Variants in IQCN observed in about 807,000 individuals in gnomAD.
IQCN encodes IQ domain-containing protein N.
In IQCN, 46 loss-of-function variants were observed where a neutral mutation model predicts 64.4. The ratio of observed to expected loss-of-function variants is 0.71; its 90% confidence interval spans 0.56 to 0.91. The LOEUF is 0.91. Among genes scored for constraint, IQCN ranks in the 40% least tolerant of loss-of-function variants. The pLI, the probability that IQCN is intolerant of heterozygous loss-of-function variation, is 0.00. For synonymous variants in IQCN, 733 were observed against 775.6 expected (o/e 0.95, Z 0.91); for missense variants, 1,753 against 1,857.4 (o/e 0.94, Z 1.03).
intron 1 of IQCN, among the ~76,000 whole-genome samples, chr19:18,270,717 A>G (rs1359313939): frequency 5.9e-5 from 9 of 151,642 alleles, no homozygotes; most frequent in Non-Finnish European, 1.2e-4. Flanking sequence ...CAGCGTCACA[A>G]TCTCGGCTCA....
At position 18,265,066 on chromosome 19, in the gene IQCN, G is replaced by C; in HGVS notation, c.2474C>G (p.Ala825Gly). The part of the protein sequence containing the change: ...KTTQGGPCPA[A>G]CEVQGMLVPP... Reference sequence around the variant, plus strand: ...CACCAGCATACCCTGGACCTCACAGGCTGCCGGGCATGGTCCCCCCTGAGT... The same window carrying C: ...CACCAGCATACCCTGGACCTCACAGCCTGCCGGGCATGGTCCCCCCTGAGT... The change falls in exon 3 of 4, where the codon GCC becomes GGC. Residue 825 changes from alanine to glycine, a missense_variant. Ala to Gly is a moderately conservative substitution (Grantham distance 60, BLOSUM62 0). Transcript: ENST00000392413. This position sits in a 1 kb window ranked among gnomAD's most constrained non-coding sequence, Gnocchi z 4.7. The C allele has an allele frequency of 6.2e-7, 1 of 1,601,064 alleles. No homozygotes were observed.
chr19:18,273,075 GGC>G (rs1177192189), intron 1 of IQCN, among the ~76,000 whole-genome samples: 57 of 152,096 alleles, frequency 3.7e-4, no homozygotes, highest in South Asian at 1.2e-3. Context: ...CTGTTGCCCA[GGC>G]TGAAGTGCAG....
At chr19:18,269,124 C>T (rs1429594588) in intron 2 of IQCN, among the ~76,000 whole-genome samples, 2 of 149,224 alleles carry the variant, frequency 1.3e-5, no homozygotes, top group Admixed American at 6.7e-5. Context: ...AAGTGAAACT[C>T]CGTGTCAAAT....
In IQCN at chr19:18,267,240, G is replaced by A; in HGVS notation, c.300C>T (p.Asp100=). ...AFKNILVDEM[D]MMHARAATLI... ...GCGTGGCTGCACGGGCGTGCATCATGTCCATCTCGTCTACCAGGATGTTCT... is the reference window on the plus strand; with the variant it reads ...GCGTGGCTGCACGGGCGTGCATCATATCCATCTCGTCTACCAGGATGTTCT... Residue 100 remains aspartate (D), a synonymous_variant, in exon 3 of 4, where the codon GAC becomes GAT. Coordinates refer to ENST00000392413, the MANE Select transcript of IQCN (RefSeq NM_001145304.2). 6.2e-7 allele frequency: 1 copy of A among 1,614,246 alleles called. No homozygotes were observed. Among genetic ancestry groups the A allele is most frequent in the Non-Finnish European group, 8.5e-7 (1 of 1,180,050 alleles).
chr19:18,266,567 C>G lies in IQCN; in HGVS notation c.973G>C (p.Ala325Pro), dbSNP rs780772351. The change falls in exon 3 of 4, where the codon GCC becomes CCC. Residue 325 changes from alanine to proline, a missense_variant. Ala to Pro is a conservative substitution (Grantham distance 27). Coordinates refer to ENST00000392413, the MANE Select transcript of IQCN (RefSeq NM_001145304.2). This position sits in a 1 kb window ranked among gnomAD's most constrained non-coding sequence, Gnocchi z 4.3. ...GGCCCTGGACATATCTGGAAGGGGG[C>G]TTTGGGGGTCTCTGCTTTCACAGGG... The part of the protein sequence containing the change: ...QGPVKAETPK[A>P]PFQICPGPMI... 19 of 1,613,180 alleles carry G rather than the reference C, an allele frequency of 1.2e-5. No homozygotes were observed. Among genetic ancestry groups the G allele is most frequent in the Non-Finnish European group, 1.4e-5 (17 of 1,179,546 alleles).
At position 18,264,906 on chromosome 19, in the gene IQCN, G is replaced by T. The variant is rs1267693422; in HGVS notation, c.2634C>A (p.Ala878=). ...CQEDTVGSLL[A]SLCAEVAGVL... ...CACCAGCTACTTCAGCACACAAGGAGGCCAGCAGGGAGCCTACCGTGTCCT... is the reference window on the plus strand; with the variant it reads ...CACCAGCTACTTCAGCACACAAGGATGCCAGCAGGGAGCCTACCGTGTCCT... Residue 878 remains alanine, a synonymous_variant, in exon 3 of 4, where the codon GCC becomes GCA. Coordinates refer to ENST00000392413, the MANE Select transcript of IQCN (RefSeq NM_001145304.2). This position sits in a 1 kb window ranked among gnomAD's most constrained non-coding sequence, Gnocchi z 4.3. The T allele has an allele frequency of 1.2e-6, 2 of 1,613,428 alleles. No individual in the cohort carries two copies. The highest frequency in any genetic ancestry group is 1.7e-6 in the Non-Finnish European group (2 of 1,179,962).
intron 2 of IQCN, among the ~76,000 whole-genome samples, chr19:18,269,170 A>AGGGAGGGC (rs1969679122): frequency 6.6e-6 from 1 of 151,826 alleles, no homozygotes; most frequent in African/African-American, 2.4e-5. Context: ...GGAGGGAGGG[A>AGGGAGGGC]AATTAAAGAG....
rs1289163030 is a variant in IQCN at position 18,264,657 on chromosome 19, C to A, written c.2883G>T (p.Ala961=). ...SRALSRGELR[A]ELTKVMQGKL... ...TACCCTGCATGACCTTGGTGAGTTC[C>A]GCCCGCAGCTCGCCCCGGGACAGGG... The change falls in exon 3 of 4, where the codon GCG becomes GCT. Residue 961 remains alanine, a synonymous_variant. Transcript: ENST00000392413. The surrounding 1 kb of genome is among the most constrained non-coding windows in gnomAD (Gnocchi z 4.3). The A allele has an allele frequency of 1.3e-6, 2 of 1,551,342 alleles. No individual in the cohort carries two copies. Among genetic ancestry groups the A allele is most frequent in the South Asian group, 2.4e-5 (2 of 84,066 alleles).
chr19:18,268,174 CTGTGTG>C (rs71336668), intron 2 of IQCN, among the ~76,000 whole-genome samples: 1,493 of 134,420 alleles, frequency 0.011, 13 homozygotes, highest in Admixed American at 0.016. Context: ...CTGTTTGCCT[CTGTGTG>C]TGTGTGTGTG....
At chr19:18,258,307 T>A (rs958003784) in intron 3 of IQCN, 3 of 717,890 alleles carry the variant, frequency 4.2e-6, no homozygotes, top group Non-Finnish European at 7.5e-6. Context: ...ATCTCCCCAG[T>A]GCGGATGACG....
chr19:18,263,840 C>G (rs1305191076), intron 3 of IQCN, among the ~76,000 whole-genome samples: 4 of 152,190 alleles, frequency 2.6e-5, no homozygotes, highest in South Asian at 2.1e-4. Flanking sequence ...CCGAGGCCAC[C>G]CTGCCCTCCC....
chr19:18,268,629 G>A (rs1281106889), intron 2 of IQCN, among the ~76,000 whole-genome samples: 2 of 151,790 alleles, frequency 1.3e-5, no homozygotes, highest in Admixed American at 6.6e-5. Flanking sequence ...GGAGTTCGAG[G>A]CCAGCCGGGC....
At position 18,264,508 on chromosome 19, in the gene IQCN, G is replaced by A. The variant is rs1355613275; in HGVS notation, c.3032C>T (p.Thr1011Ile). The A allele has an allele frequency of 3.2e-6, 5 of 1,551,456 alleles. No individual in the cohort carries two copies. The South Asian group carries it at 5.9e-5, about 18-fold the overall frequency. Residue 1011 changes from threonine (T) to isoleucine (I), a missense_variant, in exon 3 of 4, where the codon ACT (threonine) becomes ATT (isoleucine). Transcript: ENST00000392413. This position sits in a 1 kb window ranked among gnomAD's most constrained non-coding sequence, Gnocchi z 4.3. ...SQSWCRVALRTGTILPKAASK... is the reference protein window; with the variant it reads ...SQSWCRVALRIGTILPKAASK... ...GGCGGCCTTGGGGAGGATGGTTCCA[G>A]TCCTCAGGGCCACCCGACACCAAGA...
At chr19:18,269,043 T>C (rs1034452297) in intron 2 of IQCN, among the ~76,000 whole-genome samples, 2 of 150,748 alleles carry the variant, frequency 1.3e-5, no homozygotes, top group Non-Finnish European at 2.9e-5. Context: ...GGCAGGAGCA[T>C]TGCTTGAACC....
At chr19:18,267,671 C>T in intron 2 of IQCN, 145 bp from the exon 3 acceptor site, 1 of 1,023,582 alleles carries the variant, frequency 9.8e-7, no homozygotes. Context: ...ATCCCTCCCT[C>T]TCCCAAGTGG....
rs770210750 is a variant in IQCN at position 18,258,101 on chromosome 19, G to A, written c.3183C>T (p.Pro1061=). 85 of 1,609,472 alleles carry A rather than the reference G, an allele frequency of 5.3e-5. No homozygotes were observed. Among genetic ancestry groups the A allele is most frequent in the East Asian group, 1.8e-4 (8 of 44,872 alleles). The change falls in exon 4 of 4, where the codon CCC becomes CCT. Residue 1061 remains proline, a synonymous_variant. Transcript: ENST00000392413. ...GGCCACCAACCACACCAGCGTCCGC[G>A]GGGCCCTGGAGTATAGTGGAGTTCA... is the stretch of plus-strand genomic sequence containing the variant. The part of the protein sequence containing the change: ...GPVRPQTSKG[P]ADAGVVGGQS...
Position 18,266,593 on chromosome 19 carries a change from C to T in IQCN, c.947G>A (p.Gly316Asp), listed in dbSNP as rs769066438. Residue 316 changes from glycine to aspartate, a missense_variant, in exon 3 of 4, where the codon GGC becomes GAC. By Grantham distance (94) the Gly-to-Asp change is moderately conservative (BLOSUM62 -1). Coordinates refer to ENST00000392413, the MANE Select transcript of IQCN (RefSeq NM_001145304.2). The surrounding 1 kb of genome is among the most constrained non-coding windows in gnomAD (Gnocchi z 4.3). ...TTTGGGGGTCTCTGCTTTCACAGGG[C>T]CCTGGGTTTGGGCTCTGGATGGTCT... ...VTRPSRAQTQ[G>D]PVKAETPKAP... 7 of 1,613,644 alleles carry T rather than the reference C, an allele frequency of 4.3e-6. No individual in the cohort carries two copies. In the East Asian group the frequency reaches 6.7e-5, roughly 15 times the overall value.
chr19:18,273,283 C>T (rs183189749), intron 1 of IQCN, among the ~76,000 whole-genome samples: 4 of 152,080 alleles, frequency 2.6e-5, no homozygotes, highest in African/African-American at 7.2e-5. Flanking sequence ...CCGCCCGCCT[C>T]GGCCTCCCAA....
chr19:18,265,498 C>A lies in IQCN; in HGVS notation c.2042G>T (p.Arg681Ile), dbSNP rs1406832012. Residue 681 changes from arginine to isoleucine, a missense_variant, in exon 3 of 4, where the codon AGA becomes ATA. Transcript: ENST00000392413. The surrounding 1 kb of genome is among the most constrained non-coding windows in gnomAD (Gnocchi z 4.7). Reference protein sequence around the residue: ...SQRHPPCLSQRPLAAPLTKAS... With the variant: ...SQRHPPCLSQIPLAAPLTKAS... ...CTTGGTCAGCGGGGCGGCCAGTGGT[C>A]TCTGGGACAGGCAGGGTGGATGTCT... The A allele has an allele frequency of 7.4e-6, 12 of 1,612,664 alleles. No homozygotes were observed. The highest frequency in any genetic ancestry group is 1.0e-5 in the Non-Finnish European group (12 of 1,178,996).
Sources: allele counts gnomAD v4.1 joint callset (sites outside exome capture counted in the v4.1 genomes callset), GRCh38; gene constraint gnomAD v4.1.1; non-coding constraint Gnocchi (gnomAD v3.1); transcripts MANE v1.5; gene names NCBI Gene and HGNC (gene_info 2026-07-23, HGNC 2026-07-21).